Variants in ZC3HAV1L observed in about 807,000 individuals in gnomAD.
ZC3HAV1L encodes ZC3HAV1 like.
ZC3HAV1L carries 23 observed loss-of-function variants against 28.2 expected under a neutral mutation model. That is an observed-to-expected ratio of 0.82 (90% CI 0.59 to 1.16). The LOEUF is 1.16. Among genes scored for constraint, ZC3HAV1L ranks in the 50% most tolerant of loss-of-function variants. ZC3HAV1L has a pLI of 0.00. For synonymous variants in ZC3HAV1L, 180 were observed against 163.4 expected, an observed-to-expected ratio of 1.10 and a Z score of -0.78; for missense variants, 376 against 387.7, an observed-to-expected ratio of 0.97 and a Z score of 0.25.
intron 2 of ZC3HAV1L, among the ~76,000 whole-genome samples, chr7:139,031,264 A>G (rs1188593720): frequency 6.6e-6 from 1 of 152,188 alleles, no homozygotes; most frequent in African/African-American, 2.4e-5. Context: ...CCTAGGCAAC[A>G]CAGCAAGACT....
At chr7:139,023,829 G>C (rs559903368), downstream of ZC3HAV1L, among the ~76,000 whole-genome samples, 1 of 152,174 alleles carries the variant, frequency 6.6e-6, no homozygotes, top group African/African-American at 2.4e-5. Flanking sequence ...AGATGATGAG[G>C]GTTTGAAACA....
Position 139,026,774 on chromosome 7 carries a change from C to T in ZC3HAV1L, c.820G>A (p.Ala274Thr), listed in dbSNP as rs947857145. The T allele has an allele frequency of 1.6e-5, 26 of 1,614,092 alleles. 1 individual carries two copies. The Admixed American group carries it at 3.8e-4, about 24-fold the overall frequency. Residue 274 changes from alanine to threonine, a missense_variant, in exon 4 of 5, where the codon GCT (alanine) becomes ACT (threonine). Transcript: ENST00000275766. Reference protein sequence around the residue: ...QGLEKQGVHAAGAAEAGPLAS... With the variant: ...QGLEKQGVHATGAAEAGPLAS... ...AGAGGACCAGCTTCTGCAGCTCCAG[C>T]TGCGTGCACTCCTTGCTTCTCAAGG...
At chr7:139,029,018 G>T in intron 2 of ZC3HAV1L, 58 bp from the exon 3 acceptor site, 1 of 1,542,042 alleles carries the variant, frequency 6.5e-7, no homozygotes. Flanking sequence ...TTTTGGCAGC[G>T]GGGAGATGGA....
downstream of ZC3HAV1L, among the ~76,000 whole-genome samples, chr7:139,022,941 G>A (rs1373347651): frequency 2.0e-5 from 3 of 152,258 alleles, no homozygotes; most frequent in East Asian, 5.8e-4. Flanking sequence ...TTGGGAGGGC[G>A]AGGTGGGTGG....
At chr7:139,023,820 G>A (rs1048035653), downstream of ZC3HAV1L, among the ~76,000 whole-genome samples, 1 of 152,218 alleles carries the variant, frequency 6.6e-6, no homozygotes, top group African/African-American at 2.4e-5. Flanking sequence ...TATGCAGGAA[G>A]ATGATGAGGG....
In ZC3HAV1L at chr7:139,035,344, A is replaced by T. The variant is rs1020540999; in HGVS notation, c.365+309T>A. ...CCGCCAAATATCACCAGAATAAGTGAGCTCCGAAGTCCCAGTCCGGATTTA... is the reference window on the plus strand; with the variant it reads ...CCGCCAAATATCACCAGAATAAGTGTGCTCCGAAGTCCCAGTCCGGATTTA... On this transcript the variant is annotated intron_variant, in intron 1 of 4. Coordinates refer to ENST00000275766, the MANE Select transcript of ZC3HAV1L (RefSeq NM_080660.4). 32 of 985,064 alleles carry T rather than the reference A, an allele frequency of 3.2e-5. No homozygotes were observed. In the African/African-American group the frequency reaches 5.2e-4, roughly 16 times the overall value. 61.0% of individuals were successfully genotyped at this position (985,064 alleles called of 1,614,324 possible).
At position 139,028,964 on chromosome 7, in the gene ZC3HAV1L, G is replaced by A; in HGVS notation, c.502-4C>T. 1 of 1,609,558 alleles carries A rather than the reference G, an allele frequency of 6.2e-7. No homozygotes were observed. Among genetic ancestry groups the A allele is most frequent in the Non-Finnish European group, 8.5e-7 (1 of 1,177,006 alleles). On this transcript the variant is annotated splice_polypyrimidine_tract_variant and splice_region_variant and intron_variant, in intron 2 of 4. Coordinates refer to ENST00000275766, the MANE Select transcript of ZC3HAV1L (RefSeq NM_080660.4). ...CTTTGTTGTAGAGCAAACAGACCTG[G>A]TACAGAAATGAGGGAACACCTGAAA...
At chr7:139,033,980 G>A in intron 2 of ZC3HAV1L, 1 of 985,406 alleles carries the variant, frequency 1.0e-6, no homozygotes, top group Non-Finnish European at 1.2e-6. Context: ...AAATGAAACA[G>A]GTTATGCATG....
At chr7:139,033,639 A>T in intron 2 of ZC3HAV1L, 1 of 810,490 alleles carries the variant, frequency 1.2e-6, no homozygotes, top group Non-Finnish European at 1.5e-6. Context: ...ACACTGAAGT[A>T]GTCTAATATG....
chr7:139,035,552 CG>C, intron 1 of ZC3HAV1L, 100 bp downstream of exon 1: 3 of 1,326,732 alleles, frequency 2.3e-6, no homozygotes, highest in Non-Finnish European at 2.9e-6. Context: ...GTCCCCGGCC[CG>C]GGGCAGGACG....
At chr7:139,034,060 T>C (rs904511568) in intron 2 of ZC3HAV1L, 3 of 984,178 alleles carry the variant, frequency 3.0e-6, no homozygotes, top group Non-Finnish European at 3.6e-6. Flanking sequence ...TCTGCTGCCT[T>C]GAGAGCAGCC....
intron 2 of ZC3HAV1L, among the ~76,000 whole-genome samples, chr7:139,033,276 TTTTATTTTAA>T: frequency 6.6e-6 from 1 of 152,226 alleles, no homozygotes; most frequent in South Asian, 2.1e-4. Flanking sequence ...TGTTTAATGC[TTTTATTTTAA>T]AAATTTTTAT....
chr7:139,034,786 A>G (rs1815648499), intron 1 of ZC3HAV1L, 108 bp from the exon 2 acceptor site: 2 of 1,469,614 alleles, frequency 1.4e-6, no homozygotes, highest in South Asian at 3.0e-5. Flanking sequence ...GAAGTTGAGT[A>G]ATTTTCATGA....
In ZC3HAV1L at chr7:139,035,397, G is replaced by GGGGC; in HGVS notation, c.365+252_365+255dup. The GGGGC allele has an allele frequency of 5.1e-6, 5 of 985,086 alleles. No individual in the cohort carries two copies. The South Asian group carries it at 1.9e-4, about 37-fold the overall frequency. The allele number at this position is 985,086 out of a possible 1,614,324, so 61.0% of individuals were successfully genotyped here. A position where few individuals can be genotyped will look rare whatever the true frequency, so the allele number is the denominator to read the frequency against. ...CCGGCCGCGTCGCGCAGGATCCGGG[G>GGGGC]GGGCGGGCGGGGGCAGCAACTTTTC... On this transcript the variant is annotated intron_variant, in intron 1 of 4. Coordinates refer to ENST00000275766, the MANE Select transcript of ZC3HAV1L (RefSeq NM_080660.4).
chr7:139,028,327 C>T (rs145780851), intron 3 of ZC3HAV1L, among the ~76,000 whole-genome samples: 49 of 149,776 alleles, frequency 3.3e-4, no homozygotes, highest in Non-Finnish European at 4.3e-4. Context: ...GAGCCCCGAT[C>T]GCGCCACTGC....
chr7:139,028,666 C>A, intron 3 of ZC3HAV1L, 36 bp downstream of exon 3: 1 of 1,597,922 alleles, frequency 6.3e-7, no homozygotes, highest in Non-Finnish European at 8.5e-7. Context: ...AAAACCATAT[C>A]GCTGATACTT....
chr7:139,024,503 T>C (rs1815306707), downstream of ZC3HAV1L, among the ~76,000 whole-genome samples: 3 of 152,144 alleles, frequency 2.0e-5, no homozygotes, highest in South Asian at 6.2e-4. Context: ...ATAATAGTAA[T>C]AATTAAATGT....
rs1158699145 is a variant in ZC3HAV1L at position 139,025,841 on chromosome 7, T to C, written c.*703A>G. Reference sequence around the variant, plus strand: ...TTTAAGACAGGAGTTATATTCAAAATTTGTTAAGAGGCTGGGTGCAGTGGC... The same window carrying C: ...TTTAAGACAGGAGTTATATTCAAAACTTGTTAAGAGGCTGGGTGCAGTGGC... On this transcript the variant is annotated 3_prime_UTR_variant, in exon 5 of 5. Transcript: ENST00000275766. 1 of 151,964 alleles carries C rather than the reference T, an allele frequency of 6.6e-6. No homozygotes were observed. Among genetic ancestry groups the C allele is most frequent in the Non-Finnish European group, 1.5e-5 (1 of 67,982 alleles). The allele number at this position is 151,964 out of a possible 1,614,324, so 9.4% of individuals were successfully genotyped here.
At chr7:139,035,425 G>A in intron 1 of ZC3HAV1L, 7 of 985,406 alleles carry the variant, frequency 7.1e-6, no homozygotes, top group Non-Finnish European at 8.4e-6. Context: ...AACTTTTCTG[G>A]CGTGGGCGGT....
Sources: gnomAD v4.1 joint callset for allele counts (sites outside exome capture counted in the v4.1 genomes callset) on GRCh38, gnomAD v4.1.1 for gene constraint, MANE v1.5 for transcripts, NCBI Gene and HGNC (gene_info 2026-07-23, HGNC 2026-07-21) for gene names.